Variants in USP38 observed in about 807,000 individuals in gnomAD.
USP38 encodes the protein ubiquitin carboxyl-terminal hydrolase 38.
In USP38, 49 loss-of-function variants were observed where a neutral mutation model predicts 94.3. The ratio of observed to expected loss-of-function variants is 0.52; its 90% CI spans 0.41 to 0.66. The LOEUF is 0.66. Ranked by LOEUF, USP38 falls within the 30% of genes least tolerant of loss-of-function variation. USP38 has a pLI of 0.00. For synonymous variants in USP38, 468 were observed against 463.6 expected (o/e 1.01, Z -0.12); for missense variants, 1,128 against 1,229.4 (o/e 0.92, Z 1.23).
intron 4 of USP38, among the ~76,000 whole-genome samples, chr4:143,202,168 A>C (rs903942675): frequency 6.6e-6 from 1 of 152,158 alleles, no homozygotes; most frequent in Non-Finnish European, 1.5e-5. Context: ...ATTTGCTTAG[A>C]AATGTAAAGA....
In USP38 at chr4:143,214,827, A is replaced by C. The variant is rs768400080; in HGVS notation, c.2851A>C (p.Ser951Arg). The C allele has an allele frequency of 1.2e-6, 2 of 1,613,722 alleles. No individual in the cohort carries two copies. Among genetic ancestry groups the C allele is most frequent in the Admixed American group, 3.3e-5 (2 of 59,942 alleles). ...AYVLLYKKQH[S>R]TNGLSGNNPT... Reference sequence around the variant, plus strand: ...TGTGCTTTTGTATAAAAAACAGCATAGTACTAATGGTTTAAGTGGTAATAA... The same window carrying C: ...TGTGCTTTTGTATAAAAAACAGCATCGTACTAATGGTTTAAGTGGTAATAA... Residue 951 changes from serine (S) to arginine (R), a missense_variant, in exon 9 of 10, where the codon AGT (serine) becomes CGT (arginine). Physicochemically the swap from Ser to Arg is moderately radical, Grantham distance 110 (BLOSUM62 -1). Coordinates refer to ENST00000307017, the MANE Select transcript of USP38 (RefSeq NM_032557.6).
chr4:143,214,404 G>C lies in USP38; in HGVS notation c.2428G>C (p.Asp810His). The C allele has an allele frequency of 6.2e-7, 1 of 1,613,802 alleles. No homozygotes were observed. Among genetic ancestry groups the C allele is most frequent in the Non-Finnish European group, 8.5e-7 (1 of 1,179,830 alleles). The stretch of plus-strand genomic sequence containing the variant: ...TTCATTGTCAGAAAGTTGGTCTGTA[G>C]ATGTTGACTTCACTGATCTTAGTGA... ...FSSLSESWSV[D>H]VDFTDLSENL... Residue 810 changes from aspartate to histidine, a missense_variant, in exon 9 of 10, where the codon GAT (aspartate) becomes CAT (histidine). Coordinates refer to ENST00000307017, the MANE Select transcript of USP38 (RefSeq NM_032557.6).
chr4:143,211,281 A>G (rs1006901773), intron 7 of USP38, among the ~76,000 whole-genome samples: 4 of 152,310 alleles, frequency 2.6e-5, no homozygotes, highest in African/African-American at 7.2e-5. Context: ...ATTTTCCCAT[A>G]TAATTGAAAA....
intron 4 of USP38, 29 bp downstream of exon 4, chr4:143,197,953 GA>G: frequency 2.0e-6 from 3 of 1,500,542 alleles, no homozygotes; most frequent in Admixed American, 2.0e-5. Flanking sequence ...GTTCTACTTT[GA>G]AAAAGCCTCA....
At chr4:143,210,569 AGAGT>A (rs1446794096) in intron 7 of USP38, among the ~76,000 whole-genome samples, 5 of 150,902 alleles carry the variant, frequency 3.3e-5, no homozygotes, top group African/African-American at 1.2e-4. Context: ...CCTAGCTAAC[AGAGT>A]GAGCCCCTGT....
intron 9 of USP38, 200 bp downstream of exon 9, chr4:143,215,143 G>C (rs1451089964): frequency 1.7e-6 from 1 of 582,702 alleles, no homozygotes; most frequent in African/African-American, 1.9e-5. Context: ...GTGGCAATTA[G>C]ATGTAATGCA....
Position 143,206,048 on chromosome 4 carries a change from A to C in USP38, c.1225A>C (p.Ser409Arg). The stretch of plus-strand genomic sequence containing the variant: ...TGACCTATAGGATTTTCCTAAGCCC[A>C]GTGAAGAGAAGATTAAGTTAATTCT... ...LEAIKDFPKP[S>R]EEKIKLILNQ... Residue 409 changes from serine (S) to arginine (R), a missense_variant, in exon 6 of 10, where the codon AGT becomes CGT. By Grantham distance (110) the Ser-to-Arg change is moderately radical. Coordinates refer to ENST00000307017, the MANE Select transcript of USP38 (RefSeq NM_032557.6). 6.2e-7 allele frequency: 1 copy of C among 1,600,262 alleles called. No homozygotes were observed. Among genetic ancestry groups the C allele is most frequent in the Non-Finnish European group, 8.5e-7 (1 of 1,174,310 alleles).
intron 2 of USP38, among the ~76,000 whole-genome samples, chr4:143,192,173 T>G (rs1187812272): frequency 1.3e-5 from 2 of 152,232 alleles, no homozygotes; most frequent in Non-Finnish European, 2.9e-5. Flanking sequence ...CAGTACCTGC[T>G]ATATAATACA....
At chr4:143,217,002 G>C (rs932936605) in intron 9 of USP38, among the ~76,000 whole-genome samples, 2 of 152,016 alleles carry the variant, frequency 1.3e-5, no homozygotes, top group African/African-American at 4.8e-5. Context: ...AGTAGAGACA[G>C]AGTTTCACCA....
chr4:143,199,139 T>A (rs1458633251), intron 4 of USP38, among the ~76,000 whole-genome samples: 1 of 152,092 alleles, frequency 6.6e-6, no homozygotes, highest in African/African-American at 2.4e-5. Flanking sequence ...CTCCTCCCAC[T>A]CTCCCCGCTC....
intron 6 of USP38, among the ~76,000 whole-genome samples, chr4:143,208,391 TCTTTGAATATC>T (rs1043733941): frequency 2.6e-5 from 4 of 152,278 alleles, no homozygotes; most frequent in South Asian, 2.1e-4. Flanking sequence ...ATTTTCCATA[TCTTTGAATATC>T]CTTTGAATAT....
At chr4:143,211,345 T>G (rs1230942369) in intron 7 of USP38, among the ~76,000 whole-genome samples, 1 of 152,182 alleles carries the variant, frequency 6.6e-6, no homozygotes, top group African/African-American at 2.4e-5. Context: ...TTACTTTTTT[T>G]TAACCCCTGG....
At chr4:143,202,994 A>G (rs1427597412) in intron 4 of USP38, among the ~76,000 whole-genome samples, 1 of 152,144 alleles carries the variant, frequency 6.6e-6, no homozygotes, top group Non-Finnish European at 1.5e-5. Context: ...TCAAGTAAAA[A>G]ATTTTAGATT....
At chr4:143,206,643 T>C (rs1731876580) in intron 6 of USP38, among the ~76,000 whole-genome samples, 1 of 152,180 alleles carries the variant, frequency 6.6e-6, no homozygotes, top group African/African-American at 2.4e-5. Flanking sequence ...TGAGCCAAGA[T>C]CGTGCTGTTG....
chr4:143,215,876 CAAT>C (rs1463842035), intron 9 of USP38, among the ~76,000 whole-genome samples: 1 of 151,926 alleles, frequency 6.6e-6, no homozygotes, highest in Non-Finnish European at 1.5e-5. Flanking sequence ...GTGACAAAAA[CAAT>C]AAACTTTACA....
At chr4:143,208,557 T>C (rs1012387147) in intron 6 of USP38, among the ~76,000 whole-genome samples, 1 of 152,132 alleles carries the variant, frequency 6.6e-6, no homozygotes, top group African/African-American at 2.4e-5. Flanking sequence ...AATTTGCATA[T>C]TGCTGCTAAT....
In USP38 at chr4:143,212,196, C is replaced by G. The variant is rs535214098; in HGVS notation, c.1498-122C>G. On this transcript the variant is annotated intron_variant, in intron 7 of 9. Transcript: ENST00000307017. ...TGTCCCTAAGTTGCCACGTCCGGCA[C>G]TTTTGGCTGATGCAATGTTAACTGT... The G allele has an allele frequency of 8.8e-5, 61 of 690,432 alleles. No homozygotes were observed. In the South Asian group the frequency reaches 1.6e-3, roughly 18 times the overall value. 42.8% of individuals were successfully genotyped at this position (690,432 alleles called of 1,614,324 possible). A position where few individuals can be genotyped will look rare whatever the true frequency, so the allele number is the denominator to read the frequency against.
chr4:143,212,684 G>A (rs539621627), intron 8 of USP38, among the ~76,000 whole-genome samples: 122 of 152,160 alleles, frequency 8.0e-4, no homozygotes, highest in Non-Finnish European at 1.5e-3. Flanking sequence ...AGTCTGTGAG[G>A]TCTTCTCTTT....
chr4:143,220,696 G>GCTTTT lies in USP38; in HGVS notation c.*240_*241insCTTTT. ...TGGTTAGACATGCTTGACCAAAAAT[G>GCTTTT]TTCAGAAGAAAATATGTACCTGGTC... is the stretch of plus-strand genomic sequence containing the variant. On this transcript the variant is annotated 3_prime_UTR_variant, in exon 10 of 10. Transcript: ENST00000307017. The GCTTTT allele has an allele frequency of 3.1e-6, 1 of 323,344 alleles. No individual in the cohort carries two copies. The highest frequency in any genetic ancestry group is 5.4e-6 in the Non-Finnish European group (1 of 185,298). 20.0% of individuals were successfully genotyped at this position (323,344 alleles called of 1,614,324 possible).
Sources: allele counts gnomAD v4.1 joint callset (sites outside exome capture counted in the v4.1 genomes callset), GRCh38; gene constraint gnomAD v4.1.1; transcripts MANE v1.5; gene names NCBI Gene and HGNC (gene_info 2026-07-23, HGNC 2026-07-21).